The following ARAP2 variants were observed in gnomAD, a reference collection of about 807,000 sequenced individuals.
ARAP2 encodes the protein ArfGAP with RhoGAP domain, ankyrin repeat and PH domain 2.
In ARAP2, 148 loss-of-function variants were observed where a neutral mutation model predicts 194.5. The ratio of observed to expected loss-of-function variants is 0.76; its 90% CI spans 0.67 to 0.87. The LOEUF (loss-of-function observed/expected upper bound fraction) is 0.87, where lower values mean the gene tolerates loss of function less well. ARAP2 is among the 40% of genes least tolerant of loss of function. The pLI, the probability that ARAP2 is intolerant of heterozygous loss-of-function variation, is 0.00. For missense variants in ARAP2, 2,128 were observed against 1,989.7 expected (o/e 1.07, Z -1.32); for synonymous variants, 695 against 683.5 (o/e 1.02, Z -0.26).
At chr4:36,171,473 G>A (rs1209976927) in intron 9 of ARAP2, among the ~76,000 whole-genome samples, 1 of 150,416 alleles carries the variant, frequency 6.6e-6, no homozygotes, top group Non-Finnish European at 1.5e-5. Flanking sequence ...TGAACAATGA[G>A]AACACATGGA....
chr4:36,230,258 G>C (rs751916240), intron 1 of ARAP2, among the ~76,000 whole-genome samples: 2 of 152,118 alleles, frequency 1.3e-5, no homozygotes, highest in Non-Finnish European at 2.9e-5. Context: ...TCCCACAAAG[G>C]CACTGAAAGA....
At chr4:36,022,768 C>T (rs569486456) in intron 5 of ARAP2, among the ~76,000 whole-genome samples, 10 of 152,218 alleles carry the variant, frequency 6.6e-5, no homozygotes, top group African/African-American at 1.4e-4. Flanking sequence ...GAAGGAGGAA[C>T]GGATAACCCC....
intron 6 of ARAP2, among the ~76,000 whole-genome samples, chr4:36,196,449 C>A (rs956731337): frequency 1.3e-5 from 2 of 152,210 alleles, no homozygotes; most frequent in African/African-American, 4.8e-5. Context: ...TGAGGAAAAT[C>A]TCAGCCTCTG....
intron 17 of ARAP2, 61 bp from the exon 18 acceptor site, chr4:36,147,807 C>T: frequency 3.1e-6 from 4 of 1,311,378 alleles, no homozygotes; most frequent in Non-Finnish European, 4.2e-6. Context: ...CCTTCCCTAT[C>T]TACTGATATG....
intron 28 of ARAP2, among the ~76,000 whole-genome samples, chr4:36,088,747 G>A (rs937062229): frequency 4.6e-5 from 7 of 152,066 alleles, no homozygotes; most frequent in Non-Finnish European, 8.8e-5. Context: ...AGTAATTAAA[G>A]CACACGGAGT....
intron 6 of ARAP2, among the ~76,000 whole-genome samples, chr4:36,201,924 A>G (rs1332403530): frequency 6.6e-6 from 1 of 152,208 alleles, no homozygotes; most frequent in Non-Finnish European, 1.5e-5. Context: ...AAATCACACA[A>G]TTGGAAAGAA....
rs368144802 is a variant in ARAP2 at position 36,107,589 on chromosome 4, C to T, written c.4261G>A (p.Ala1421Thr). ...AYLVVKRFLT[A>T]DTIKHCSDRS... ...CCACTGCAGTGTTTAATTGTGTCAG[C>T]GGTTAAGAATCTCTTCACCACCAGG... The change falls in exon 27 of 33, where the codon GCT (alanine) becomes ACT (threonine). Residue 1421 changes from alanine to threonine, a missense_variant. By Grantham distance (58) the Ala-to-Thr change is moderately conservative. Transcript: ENST00000303965. The T allele has an allele frequency of 6.6e-5, 106 of 1,609,564 alleles. 1 individual carries two copies. In the Middle Eastern group the frequency reaches 6.6e-4, roughly 10 times the overall value.
chr4:36,185,724 C>T (rs1740381465), intron 8 of ARAP2, among the ~76,000 whole-genome samples: 1 of 151,628 alleles, frequency 6.6e-6, no homozygotes, highest in Non-Finnish European at 1.5e-5. Context: ...GCCTGTAATC[C>T]CAGCACTTTG....
intron 1 of ARAP2, among the ~76,000 whole-genome samples, chr4:36,232,779 C>G (rs1281819577): frequency 6.6e-6 from 1 of 152,146 alleles, no homozygotes; most frequent in African/African-American, 2.4e-5. Flanking sequence ...AATTTCTATA[C>G]CAGAGCTTTG....
intron 11 of ARAP2, among the ~76,000 whole-genome samples, chr4:36,163,109 C>A (rs751788819): frequency 6.6e-6 from 1 of 151,874 alleles, no homozygotes; most frequent in African/African-American, 2.4e-5. Context: ...TGTCCAACAG[C>A]GTGAGAATCA....
intron 6 of ARAP2, among the ~76,000 whole-genome samples, chr4:36,203,115 T>C (rs1378001516): frequency 6.6e-6 from 1 of 152,196 alleles, no homozygotes; most frequent in African/African-American, 2.4e-5. Context: ...GTTGGAAAAC[T>C]GTCTCTCCAC....
intron 26 of ARAP2, among the ~76,000 whole-genome samples, chr4:36,113,479 A>G (rs1720539890): frequency 6.6e-6 from 1 of 151,996 alleles, no homozygotes; most frequent in Non-Finnish European, 1.5e-5. Flanking sequence ...TTTTTATCCT[A>G]AGCTTGCGGG....
At chr4:36,048,138 T>C (rs1235794843) in intron 3 of ARAP2, among the ~76,000 whole-genome samples, 1 of 152,228 alleles carries the variant, frequency 6.6e-6, no homozygotes, top group Non-Finnish European at 1.5e-5. Context: ...TAATGCTGCA[T>C]ATACCCAGTA....
intron 2 of ARAP2, 105 bp downstream of exon 2, chr4:36,228,477 T>C: frequency 8.1e-7 from 1 of 1,240,530 alleles, no homozygotes; most frequent in Non-Finnish European, 1.1e-6. Flanking sequence ...AATAGGTAAA[T>C]GAATACAGTC....
intron 9 of ARAP2, among the ~76,000 whole-genome samples, chr4:36,009,796 C>T (rs1326907145): frequency 6.7e-6 from 1 of 150,024 alleles, no homozygotes; most frequent in Non-Finnish European, 1.5e-5. Flanking sequence ...GAAAAAGGAA[C>T]TCTTCCCAGA....
chr4:36,121,194 A>G lies in ARAP2; in HGVS notation c.3879T>C (p.Tyr1293=). The change falls in exon 23 of 33, where the codon TAT becomes TAC. Residue 1293 remains tyrosine (Y), a synonymous_variant. Coordinates refer to ENST00000303965, the MANE Select transcript of ARAP2 (RefSeq NM_015230.4). The part of the protein sequence containing the change: ...VNVIEDLINN[Y]VEIFEVKEDQ... ...AAATAATTACCTCAAATATTTCTAC[A>G]TAATTATTAATTAGGTCCTCAATTA... 1 of 1,593,478 alleles carries G rather than the reference A, an allele frequency of 6.3e-7. No individual in the cohort carries two copies. The highest frequency in any genetic ancestry group is 8.6e-7 in the Non-Finnish European group (1 of 1,168,404).
intron 5 of ARAP2, among the ~76,000 whole-genome samples, chr4:36,035,994 T>C (rs1719855783): frequency 6.6e-6 from 1 of 152,198 alleles, no homozygotes; most frequent in Non-Finnish European, 1.5e-5. Context: ...GTTTGTTATT[T>C]TTTTCATGCT....
intron 29 of ARAP2, among the ~76,000 whole-genome samples, chr4:36,082,833 G>C (rs1006434879): frequency 2.0e-5 from 3 of 152,148 alleles, no homozygotes; most frequent in African/African-American, 7.2e-5. Flanking sequence ...GGTACATGAA[G>C]TGTTAAAGAG....
At position 36,213,150 on chromosome 4, in the gene ARAP2, T is replaced by C. The variant is rs117291998; in HGVS notation, c.1041+93A>G. The C allele has an allele frequency of 1.2e-3, 1,159 of 1,000,542 alleles. 22 individuals carry two copies. In the East Asian group the frequency reaches 0.025, roughly 21 times the overall value. The allele number at this position is 1,000,542 out of a possible 1,614,324, so 62.0% of individuals were successfully genotyped here. ...ATTTCAATCTTCAATATAATGCCAT[T>C]CTTCAAATAGCTTGGAGAAAAATGA... On this transcript the variant is annotated intron_variant, in intron 4 of 32. Transcript: ENST00000303965.
Sources: gnomAD v4.1 joint callset for allele counts (sites outside exome capture counted in the v4.1 genomes callset) on GRCh38, gnomAD v4.1.1 for gene constraint, MANE v1.5 for transcripts, NCBI Gene and HGNC (gene_info 2026-07-23, HGNC 2026-07-21) for gene names.